The following EML6 variants were observed in gnomAD, a reference collection of about 807,000 sequenced individuals.
EML6 encodes the protein EMAP like 6.
In EML6, 154 loss-of-function variants were observed where a neutral mutation model predicts 240.1. That is an observed-to-expected ratio of 0.64 (90% CI 0.56 to 0.73). The LOEUF is 0.73. Ranked by LOEUF, EML6 falls within the 30% of genes least tolerant of loss-of-function variation. EML6 has a pLI of 0.00. For missense variants in EML6, 2,964 were observed against 2,474.6 expected, an observed-to-expected ratio of 1.20 and a Z score of -4.20; for synonymous variants, 1,148 against 899.0, an observed-to-expected ratio of 1.28 and a Z score of -4.95.
intron 9 of EML6, among the ~76,000 whole-genome samples, chr2:54,849,663 T>C (rs1669964359): frequency 1.3e-5 from 2 of 152,202 alleles, no homozygotes; most frequent in South Asian, 2.1e-4. Flanking sequence ...TAATTTTTTG[T>C]ATTTTTCATA....
intron 2 of EML6, among the ~76,000 whole-genome samples, chr2:54,810,339 G>A (rs188660629): frequency 4.1e-4 from 62 of 152,304 alleles, no homozygotes; most frequent in African/African-American, 1.4e-3. Context: ...GGGTAGCACT[G>A]CTTATTGAGT....
At chr2:54,799,067 C>T (rs1330495167) in intron 2 of EML6, among the ~76,000 whole-genome samples, 1 of 151,928 alleles carries the variant, frequency 6.6e-6, no homozygotes, top group Admixed American at 6.6e-5. Context: ...ATATATTCTG[C>T]TAGATTTTTT....
chr2:54,953,693 C>T (rs913640862), intron 31 of EML6, among the ~76,000 whole-genome samples: 2 of 152,050 alleles, frequency 1.3e-5, no homozygotes, highest in African/African-American at 2.4e-5. Context: ...TTGAGACCAG[C>T]CTGGCCAACA....
intron 26 of EML6, among the ~76,000 whole-genome samples, chr2:54,925,550 C>T (rs1293704950): frequency 6.6e-6 from 1 of 152,148 alleles, no homozygotes; most frequent in Admixed American, 6.5e-5. Context: ...ATTCTACTTT[C>T]CTATGAGTGG....
rs1375276207 is a variant in EML6, at chr2:54,774,051, A to G, written c.198-39181A>G. Among the ~76,000 whole-genome samples, 6 of 152,198 alleles carry G rather than the reference A, an allele frequency of 3.9e-5. No individual in the cohort carries two copies. Among genetic ancestry groups the G allele is most frequent in the Non-Finnish European group, 8.8e-5 (6 of 68,028 alleles). ...AGGAGGAGAAAGAGGGGCACTGCTA[A>G]GAACACTTCCTGGAAGTTGCACACA... On this transcript the variant is annotated intron_variant, in intron 2 of 41. Transcript: ENST00000356458. This position sits in a 1 kb window ranked among gnomAD's most constrained non-coding sequence, Gnocchi z 4.1.
chr2:54,867,954 C>G lies in EML6; in HGVS notation c.2051+1070C>G, dbSNP rs1344832390. On this transcript the variant is annotated intron_variant, in intron 14 of 41. Coordinates refer to ENST00000356458, the MANE Select transcript of EML6 (RefSeq NM_001039753.4). ...TTTTTCTGTGGTCCTAAGACTCTAA[C>G]TCAGCCCAATACAATATCCACTAGC... 3 of 152,154 alleles carry G rather than the reference C, an allele frequency of 2.0e-5. No homozygotes were observed. The East Asian group carries it at 5.8e-4, about 29-fold the overall frequency. The allele number at this position is 152,154 out of a possible 1,614,324, so 9.4% of individuals were successfully genotyped here.
chr2:54,854,619 T>C (rs1340829356), intron 11 of EML6, among the ~76,000 whole-genome samples: 1 of 152,208 alleles, frequency 6.6e-6, no homozygotes, highest in African/African-American at 2.4e-5. Context: ...TTGAACAATT[T>C]TTAGACTAAG....
intron 31 of EML6, among the ~76,000 whole-genome samples, 188 bp downstream of exon 31, chr2:54,952,880 G>A (rs1362048579): frequency 1.3e-5 from 2 of 152,162 alleles, no homozygotes; most frequent in Admixed American, 6.5e-5. Flanking sequence ...GTGATTCTGA[G>A]GGACCATAAA....
intron 17 of EML6, among the ~76,000 whole-genome samples, chr2:54,889,164 T>C (rs1049106074): frequency 7.9e-5 from 12 of 152,232 alleles, no homozygotes; most frequent in African/African-American, 2.9e-4. Flanking sequence ...AGTCAACTCA[T>C]ACACAGGTAC....
intron 2 of EML6, among the ~76,000 whole-genome samples, chr2:54,778,716 A>G (rs936805095): frequency 1.6e-4 from 25 of 151,858 alleles, no homozygotes; most frequent in Admixed American, 1.5e-3. Context: ...GTGAAACCCC[A>G]TCTCTACTAA....
At chr2:54,789,535 A>T (rs1267196793) in intron 2 of EML6, among the ~76,000 whole-genome samples, 4 of 147,070 alleles carry the variant, frequency 2.7e-5, no homozygotes, top group Non-Finnish European at 4.5e-5. Flanking sequence ...AAAAAAAAAA[A>T]AAAAAAAAAA....
At chr2:54,886,851 T>C (rs1283867491) in intron 17 of EML6, among the ~76,000 whole-genome samples, 3 of 152,228 alleles carry the variant, frequency 2.0e-5, no homozygotes, top group African/African-American at 7.2e-5. Flanking sequence ...TTCAAGTTTT[T>C]AGGCAAGAAT....
chr2:54,969,808 A>G (rs1676911367), intron 41 of EML6, among the ~76,000 whole-genome samples: 1 of 152,242 alleles, frequency 6.6e-6, no homozygotes, highest in African/African-American at 2.4e-5. Flanking sequence ...TCAAAGTGCC[A>G]GAAGTCCTCA....
chr2:54,823,647 G>A (rs1668433652), intron 5 of EML6, among the ~76,000 whole-genome samples: 1 of 152,086 alleles, frequency 6.6e-6, no homozygotes, highest in African/African-American at 2.4e-5. Flanking sequence ...TAATGATCCT[G>A]ATTTCTGTTA....
At chr2:54,849,709 C>G (rs1171637853) in intron 9 of EML6, among the ~76,000 whole-genome samples, 2 of 152,206 alleles carry the variant, frequency 1.3e-5, no homozygotes, top group Non-Finnish European at 2.9e-5. Context: ...AGGATGGTCT[C>G]AATCTCCTGA....
At chr2:54,935,162 TG>T (rs1487281275) in intron 28 of EML6, among the ~76,000 whole-genome samples, 1 of 152,222 alleles carries the variant, frequency 6.6e-6, no homozygotes, top group African/African-American at 2.4e-5. Flanking sequence ...GACACTCCTT[TG>T]GTTGGGTGTA....
chr2:54,903,671 T>A (rs1314529143), intron 24 of EML6, among the ~76,000 whole-genome samples, 169 bp downstream of exon 24: 1 of 152,198 alleles, frequency 6.6e-6, no homozygotes, highest in Non-Finnish European at 1.5e-5. Flanking sequence ...CTGCTAACAT[T>A]TTGAATACTT....
At chr2:54,857,891 G>A (rs1670472458) in intron 11 of EML6, among the ~76,000 whole-genome samples, 1 of 152,084 alleles carries the variant, frequency 6.6e-6, no homozygotes, top group African/African-American at 2.4e-5. Flanking sequence ...GAGAGATAAG[G>A]CCTAAGTATT....
At chr2:54,912,490 G>A (rs1024397365) in intron 25 of EML6, among the ~76,000 whole-genome samples, 8 of 152,126 alleles carry the variant, frequency 5.3e-5, no homozygotes, top group Non-Finnish European at 8.8e-5. Flanking sequence ...CTGAGGACTG[G>A]CATACAAATT....
Sources: allele counts gnomAD v4.1 joint callset (sites outside exome capture counted in the v4.1 genomes callset), GRCh38; gene constraint gnomAD v4.1.1; non-coding constraint Gnocchi (gnomAD v3.1); transcripts MANE v1.5; gene names NCBI Gene and HGNC (gene_info 2026-07-23, HGNC 2026-07-21).